Variants in RELN observed in about 807,000 individuals in gnomAD.
The protein encoded by RELN is reelin.
RELN carries 108 observed loss-of-function variants against 427.6 expected under a neutral mutation model. The ratio of observed to expected loss-of-function variants is 0.25; its 90% confidence interval spans 0.22 to 0.30. The LOEUF is 0.30. RELN is among the 10% of genes least tolerant of loss of function. RELN has a pLI of 1.00. For synonymous variants in RELN, 1,524 were observed against 1,513.4 expected, an observed-to-expected ratio of 1.01 and a Z score of -0.16; for missense variants, 3,715 against 4,302.8, an observed-to-expected ratio of 0.86 and a Z score of 3.82.
At chr7:103,987,460 C>T (rs12670625) in intron 1 of RELN, among the ~76,000 whole-genome samples, 33 of 152,070 alleles carry the variant, frequency 2.2e-4, no homozygotes, top group Admixed American at 1.9e-3. Flanking sequence ...TTTTCAATAT[C>T]GAGACCTTCC....
intron 3 of RELN, among the ~76,000 whole-genome samples, chr7:103,805,553 G>T (rs1792578240): frequency 6.6e-6 from 1 of 152,080 alleles, no homozygotes; most frequent in Non-Finnish European, 1.5e-5. Context: ...ACATGAGTGG[G>T]TCCACCCCCT....
chr7:103,885,536 A>T (rs1463179924), intron 2 of RELN, among the ~76,000 whole-genome samples: 1 of 152,176 alleles, frequency 6.6e-6, no homozygotes, highest in Non-Finnish European at 1.5e-5. Context: ...GGAGTGGAAC[A>T]ATGAGAACAC....
chr7:103,503,406 C>T (rs1345067184), intron 51 of RELN, among the ~76,000 whole-genome samples, 176 bp from the exon 52 acceptor site: 1 of 152,096 alleles, frequency 6.6e-6, no homozygotes, highest in Non-Finnish European at 1.5e-5. Context: ...CATGATTGCC[C>T]CAGGTGACAA....
intron 11 of RELN, among the ~76,000 whole-genome samples, chr7:103,665,497 T>A (rs1284790247): frequency 6.6e-6 from 1 of 152,130 alleles, no homozygotes; most frequent in Non-Finnish European, 1.5e-5. Context: ...CTCTTCCTAA[T>A]GAATGTTAGA....
At chr7:103,652,479 T>C (rs1832938955) in intron 14 of RELN, 72 bp downstream of exon 14, 1 of 1,189,508 alleles carries the variant, frequency 8.4e-7, no homozygotes, top group East Asian at 2.4e-5. Flanking sequence ...ACCTAGAAAC[T>C]ACCTCTTATT....
At chr7:103,758,379 T>G (rs1791215872) in intron 4 of RELN, among the ~76,000 whole-genome samples, 1 of 152,096 alleles carries the variant, frequency 6.6e-6, no homozygotes, top group South Asian at 2.1e-4. Flanking sequence ...ATAAAGGTTC[T>G]ACTTTGCCTA....
chr7:103,532,644 A>C (rs1829967388), intron 46 of RELN, among the ~76,000 whole-genome samples: 1 of 152,112 alleles, frequency 6.6e-6, no homozygotes, highest in South Asian at 2.1e-4. Flanking sequence ...TATCTGATCC[A>C]TATATTCAGC....
Position 103,989,061 on chromosome 7 carries a change from A to G in RELN, c.226+70T>C. 1 of 1,371,656 alleles carries G rather than the reference A, an allele frequency of 7.3e-7. No individual in the cohort carries two copies. Among genetic ancestry groups the G allele is most frequent in the Non-Finnish European group, 1.0e-6 (1 of 960,890 alleles). 85.0% of individuals were successfully genotyped at this position (1,371,656 alleles called of 1,614,324 possible). A position where few individuals can be genotyped will look rare whatever the true frequency, so the allele number is the denominator to read the frequency against. ...GTTTCCAAGGCCCCTTGGAAGAAGGAAAGGGATGAGAAAGGTGCGCTGGCG... is the reference window on the plus strand; with the variant it reads ...GTTTCCAAGGCCCCTTGGAAGAAGGGAAGGGATGAGAAAGGTGCGCTGGCG... On this transcript the variant is annotated intron_variant, in intron 1 of 64. Transcript: ENST00000428762. The surrounding 1 kb of genome is among the most constrained non-coding windows in gnomAD (Gnocchi z 4.9).
intron 2 of RELN, among the ~76,000 whole-genome samples, chr7:103,888,244 A>AT (rs972411486): frequency 7.9e-4 from 92 of 116,732 alleles, no homozygotes; most frequent in South Asian, 4.9e-3. Context: ...AAGAAAAAAA[A>AT]ATATATATAT....
rs1554402130 is a variant in RELN at position 103,682,168 on chromosome 7, T to C, written c.1237A>G (p.Thr413Ala). 2 of 1,613,914 alleles carry C rather than the reference T, an allele frequency of 1.2e-6. No individual in the cohort carries two copies. Among genetic ancestry groups the C allele is most frequent in the Non-Finnish European group, 8.5e-7 (1 of 1,179,854 alleles). Residue 413 changes from threonine (T) to alanine (A), a missense_variant, in exon 11 of 65, where the codon ACA (threonine) becomes GCA (alanine). Around this residue, in one of 4 missense-constraint regions of RELN, gnomAD observed 2,208 missense variants for 2,361.7 expected, o/e 0.93. Transcript: ENST00000428762. ...FATTRDVDLSTEDIQEQWSEE... is the reference protein window; with the variant it reads ...FATTRDVDLSAEDIQEQWSEE... ...GACCATTGCTCTTGAATATCTTCTG[T>C]GGAAAGATCTACATCCCTGGTGGTG...
At chr7:103,595,339 C>T (rs1306433416) in intron 25 of RELN, among the ~76,000 whole-genome samples, 1 of 152,124 alleles carries the variant, frequency 6.6e-6, no homozygotes, top group African/African-American at 2.4e-5. Flanking sequence ...GCTTCATCTC[C>T]CACCCTTTTC....
chr7:103,491,770 G>C (rs180705534), intron 58 of RELN, among the ~76,000 whole-genome samples, 183 bp downstream of exon 58: 114 of 151,352 alleles, frequency 7.5e-4, no homozygotes, highest in African/African-American at 2.7e-3. Flanking sequence ...CGGAGGTTGC[G>C]GTGAGCCGAG....
intron 28 of RELN, among the ~76,000 whole-genome samples, chr7:103,588,786 T>C (rs747240368): frequency 5.9e-5 from 9 of 152,094 alleles, no homozygotes; most frequent in Non-Finnish European, 1.3e-4. Flanking sequence ...ATGAAAACAA[T>C]ATAAGAAATC....
intron 2 of RELN, among the ~76,000 whole-genome samples, chr7:103,871,543 A>C (rs1478313920): frequency 6.6e-6 from 1 of 152,144 alleles, no homozygotes; most frequent in Non-Finnish European, 1.5e-5. Context: ...TTTCAGAGGA[A>C]GCATGACCAC....
intron 6 of RELN, 23 bp from the exon 7 acceptor site, chr7:103,728,230 C>T (rs201170753): frequency 6.2e-7 from 1 of 1,610,908 alleles, no homozygotes; most frequent in Non-Finnish European, 8.5e-7. Context: ...AGAACACAGT[C>T]CCCGTCTGAG....
chr7:103,800,934 A>G (rs1268876493), intron 3 of RELN, among the ~76,000 whole-genome samples: 2 of 152,252 alleles, frequency 1.3e-5, no homozygotes, highest in African/African-American at 2.4e-5. Context: ...ATGAACAGAC[A>G]CATCTCAAAA....
intron 22 of RELN, among the ~76,000 whole-genome samples, chr7:103,609,477 A>C (rs1000842662): frequency 5.3e-5 from 8 of 152,230 alleles, no homozygotes; most frequent in African/African-American, 1.9e-4. Context: ...TCCCAGCAGT[A>C]GACATAAAAA....
At chr7:103,616,233 T>C (rs187925798) in intron 20 of RELN, among the ~76,000 whole-genome samples, 51 of 152,298 alleles carry the variant, frequency 3.3e-4, no homozygotes, top group African/African-American at 1.1e-3. Flanking sequence ...CAGAGCTTAT[T>C]TCTAGAGAAA....
At chr7:103,895,547 C>T (rs910930444) in intron 2 of RELN, among the ~76,000 whole-genome samples, 12 of 151,968 alleles carry the variant, frequency 7.9e-5, no homozygotes, top group Admixed American at 1.3e-4. Context: ...AAGTCAGAAA[C>T]GTATACATGC....
Sources: allele counts gnomAD v4.1 joint callset (sites outside exome capture counted in the v4.1 genomes callset), GRCh38; gene constraint gnomAD v4.1.1; regional missense constraint gnomAD v4.1.1; non-coding constraint Gnocchi (gnomAD v3.1); transcripts MANE v1.5; gene names NCBI Gene and HGNC (gene_info 2026-07-23, HGNC 2026-07-21).